The following UBE2H variants were observed in gnomAD, a reference collection of about 807,000 sequenced individuals.
UBE2H encodes the protein ubiquitin-conjugating enzyme E2 H.
UBE2H carries 3 observed loss-of-function variants against 29.0 expected under a neutral mutation model. The observed-to-expected ratio is 0.10, with a 90% CI of 0.05 to 0.27. UBE2H has a LOEUF of 0.27. Among genes scored for constraint, UBE2H ranks in the 10% least tolerant of loss-of-function variants. The probability of loss-of-function intolerance (pLI) is 1.00; values close to 1 mark genes in which losing one functional copy is unlikely to be tolerated. For missense variants in UBE2H, 68 were observed against 228.2 expected, an observed-to-expected ratio of 0.30 and a Z score of 4.52; for synonymous variants, 69 against 82.9, an observed-to-expected ratio of 0.83 and a Z score of 0.91.
intron 1 of UBE2H, among the ~76,000 whole-genome samples, chr7:129,885,992 G>T (rs1471876): frequency 6.6e-6 from 1 of 152,014 alleles, no homozygotes; most frequent in Non-Finnish European, 1.5e-5. Context: ...AGGTTAAAAT[G>T]ACAAAAATAA....
chr7:129,904,388 G>A (rs900887147), intron 1 of UBE2H, among the ~76,000 whole-genome samples: 6 of 152,014 alleles, frequency 3.9e-5, no homozygotes, highest in African/African-American at 1.4e-4. Context: ...CCAAAGTGCT[G>A]GGATTAACAG....
chr7:129,846,213 A>G (rs1209058365), intron 5 of UBE2H, among the ~76,000 whole-genome samples: 1 of 152,160 alleles, frequency 6.6e-6, no homozygotes, highest in Non-Finnish European at 1.5e-5. Flanking sequence ...TTTGAAATAA[A>G]TGGAAAATTT....
At chr7:129,860,788 C>T (rs1024880006) in intron 3 of UBE2H, among the ~76,000 whole-genome samples, 5 of 151,778 alleles carry the variant, frequency 3.3e-5, no homozygotes, top group Admixed American at 2.0e-4. Context: ...CAAACAACTA[C>T]CAATTCTCCA....
intron 3 of UBE2H, among the ~76,000 whole-genome samples, chr7:129,873,032 T>G (rs1045798881): frequency 8.6e-5 from 13 of 151,310 alleles, no homozygotes; most frequent in African/African-American, 2.9e-4. Context: ...TTTTTTTTTT[T>G]TTTTGAGACA....
chr7:129,891,312 T>C (rs1364024477), intron 1 of UBE2H, among the ~76,000 whole-genome samples: 1 of 151,764 alleles, frequency 6.6e-6, no homozygotes, highest in Non-Finnish European at 1.5e-5. Flanking sequence ...CAACCTCCTA[T>C]ATAGCTGGGA....
chr7:129,902,496 T>C (rs930288352), intron 1 of UBE2H, among the ~76,000 whole-genome samples: 2 of 152,224 alleles, frequency 1.3e-5, no homozygotes, highest in South Asian at 2.1e-4. Context: ...CGAGACTCCA[T>C]CTCAAACAAA....
At chr7:129,944,146 G>A (rs1486293369) in intron 1 of UBE2H, among the ~76,000 whole-genome samples, 1 of 150,954 alleles carries the variant, frequency 6.6e-6, no homozygotes, top group Non-Finnish European at 1.5e-5. Flanking sequence ...CATGAGGTCA[G>A]GAGATCAAGA....
chr7:129,881,682 C>T (rs781660964), intron 1 of UBE2H, among the ~76,000 whole-genome samples: 23 of 151,848 alleles, frequency 1.5e-4, no homozygotes, highest in Non-Finnish European at 1.2e-4. Context: ...GAAAAATAGG[C>T]GCTTAATTTT....
chr7:129,924,318 G>A (rs1237900612), intron 1 of UBE2H, among the ~76,000 whole-genome samples: 2 of 152,152 alleles, frequency 1.3e-5, no homozygotes, highest in Non-Finnish European at 2.9e-5. Context: ...GTAAGACTGA[G>A]ACTTTTCCTA....
intron 3 of UBE2H, among the ~76,000 whole-genome samples, chr7:129,877,455 C>T (rs1175261052): frequency 6.6e-6 from 1 of 152,194 alleles, no homozygotes; most frequent in Non-Finnish European, 1.5e-5. Flanking sequence ...ACAGTAATTA[C>T]ACTGTTGATG....
chr7:129,915,485 G>C (rs1807025568), intron 1 of UBE2H, among the ~76,000 whole-genome samples: 1 of 152,172 alleles, frequency 6.6e-6, no homozygotes. Context: ...AGTGAGCCGA[G>C]ATTGCGCCAC....
chr7:129,845,603 T>C (rs115642680), intron 5 of UBE2H, among the ~76,000 whole-genome samples: 9 of 152,294 alleles, frequency 5.9e-5, no homozygotes, highest in Admixed American at 2.6e-4. Flanking sequence ...AAGGGCCACT[T>C]TGGAGGAGAA....
chr7:129,899,680 T>C (rs1195101190), intron 1 of UBE2H, among the ~76,000 whole-genome samples: 2 of 152,188 alleles, frequency 1.3e-5, no homozygotes, highest in Non-Finnish European at 2.9e-5. Context: ...AAATCTCACC[T>C]AACGTGTGAG....
intron 3 of UBE2H, 123 bp from the exon 4 acceptor site, chr7:129,859,064 C>T (rs1417539015): frequency 9.4e-6 from 7 of 740,840 alleles, no homozygotes; most frequent in Non-Finnish European, 1.6e-5. Context: ...TACTTTCAAC[C>T]TTAGATCTTT....
Position 129,952,711 on chromosome 7 carries a change from C to G in UBE2H, c.-156G>C, listed in dbSNP as rs933375076. 7.6e-6 allele frequency: 6 copies of G among 791,986 alleles called. No individual in the cohort carries two copies. In the Admixed American group the frequency reaches 2.5e-4, roughly 33 times the overall value. The allele number at this position is 791,986 out of a possible 1,614,324, so 49.1% of individuals were successfully genotyped here. ...TCAGCCGCCGCCGCCGCCCCCCGCA[C>G]GGGGGAACACCGGGCACTGTCCGGC... is the stretch of plus-strand genomic sequence containing the variant. On this transcript the variant is annotated 5_prime_UTR_variant, in exon 1 of 7. Transcript: ENST00000355621.
At chr7:129,885,410 G>A (rs1011498986) in intron 1 of UBE2H, among the ~76,000 whole-genome samples, 7 of 152,104 alleles carry the variant, frequency 4.6e-5, no homozygotes, top group African/African-American at 1.7e-4. Flanking sequence ...TTAAAATTAC[G>A]AGTTGTCCTT....
intron 2 of UBE2H, 112 bp from the exon 3 acceptor site, chr7:129,879,754 C>A: frequency 1.0e-6 from 1 of 953,570 alleles, no homozygotes; most frequent in Non-Finnish European, 1.6e-6. Flanking sequence ...CAAATTAATT[C>A]CTTCAAGAGT....
At chr7:129,889,987 G>A (rs546668345) in intron 1 of UBE2H, among the ~76,000 whole-genome samples, 1 of 152,096 alleles carries the variant, frequency 6.6e-6, no homozygotes, top group South Asian at 2.1e-4. Flanking sequence ...CAAAAAATTA[G>A]CTGGGCAGGG....
intron 1 of UBE2H, among the ~76,000 whole-genome samples, chr7:129,949,456 A>C (rs1807831014): frequency 6.6e-6 from 1 of 152,140 alleles, no homozygotes; most frequent in Non-Finnish European, 1.5e-5. Context: ...AAGGATCCAA[A>C]AGTCATGTAA....
Sources: allele counts gnomAD v4.1 joint callset (sites outside exome capture counted in the v4.1 genomes callset), GRCh38; gene constraint gnomAD v4.1.1; transcripts MANE v1.5; gene names NCBI Gene and HGNC (gene_info 2026-07-23, HGNC 2026-07-21).